The following PICALM variants were observed in gnomAD, a reference collection of about 807,000 sequenced individuals.
PICALM encodes the protein phosphatidylinositol binding clathrin assembly protein, also known as phosphatidylinositol-binding clathrin assembly protein.
Under a neutral mutation model 80.5 loss-of-function variants are expected in PICALM, and 40 were observed. The ratio of observed to expected loss-of-function variants is 0.50; its 90% CI spans 0.39 to 0.65. The LOEUF is 0.65. Among genes scored for constraint, PICALM ranks in the 30% least tolerant of loss-of-function variants. The pLI, the probability that PICALM is intolerant of heterozygous loss-of-function variation, is 0.00. For missense variants in PICALM, 676 were observed against 778.9 expected, an observed-to-expected ratio of 0.87 and a Z score of 1.57; for synonymous variants, 288 against 260.3, an observed-to-expected ratio of 1.11 and a Z score of -1.02.
intron 5 of PICALM, among the ~76,000 whole-genome samples, chr11:86,013,332 A>T (rs1358091225): frequency 6.6e-6 from 1 of 152,166 alleles, no homozygotes; most frequent in Non-Finnish European, 1.5e-5. Flanking sequence ...CAAAAAAAAG[A>T]TGAAAAAGCA....
intron 4 of PICALM, among the ~76,000 whole-genome samples, chr11:86,016,353 C>G (rs547284816): frequency 2.6e-5 from 4 of 152,292 alleles, no homozygotes; most frequent in Non-Finnish European, 4.4e-5. Context: ...TATTCTGTGA[C>G]AATTACCTTT....
intron 1 of PICALM, among the ~76,000 whole-genome samples, chr11:86,054,544 T>C (rs2096241624): frequency 6.6e-6 from 1 of 152,166 alleles, no homozygotes; most frequent in Non-Finnish European, 1.5e-5. Flanking sequence ...AGCGCTTTTT[T>C]GCCCCATGTC....
At chr11:86,014,739 T>C in intron 5 of PICALM, 131 bp downstream of exon 5, 1 of 485,758 alleles carries the variant, frequency 2.1e-6, no homozygotes, top group Non-Finnish European at 3.6e-6. Flanking sequence ...GACTATTTTA[T>C]AAAAAATCCT....
chr11:85,996,052 C>T (rs1414717899), intron 12 of PICALM, among the ~76,000 whole-genome samples: 1 of 151,966 alleles, frequency 6.6e-6, no homozygotes, highest in African/African-American at 2.4e-5. Context: ...AACTACTTGT[C>T]GGAACAAAAT....
intron 1 of PICALM, among the ~76,000 whole-genome samples, chr11:86,051,905 G>A (rs1311760580): frequency 1.3e-5 from 2 of 152,136 alleles, no homozygotes; most frequent in Non-Finnish European, 2.9e-5. Context: ...TAAGTATGTG[G>A]AAAATAAAGC....
chr11:85,969,579 C>A, intron 19 of PICALM: 1 of 296,332 alleles, frequency 3.4e-6, no homozygotes, highest in Non-Finnish European at 6.9e-6. Flanking sequence ...CTTTTGGTTT[C>A]GGCTAGCATT....
intron 1 of PICALM, among the ~76,000 whole-genome samples, chr11:86,061,841 A>C (rs1184059565): frequency 1.3e-5 from 2 of 152,248 alleles, no homozygotes; most frequent in Non-Finnish European, 2.9e-5. Flanking sequence ...ACGATTGCCA[A>C]AACTAGGGAG....
At chr11:85,986,174 T>C (rs1157212509) in intron 13 of PICALM, among the ~76,000 whole-genome samples, 2 of 152,126 alleles carry the variant, frequency 1.3e-5, no homozygotes, top group Non-Finnish European at 2.9e-5. Context: ...GCTAATCGGC[T>C]ATTAATATTT....
intron 19 of PICALM, among the ~76,000 whole-genome samples, chr11:85,966,215 T>TC (rs34969258): frequency 0.013 from 1,880 of 149,240 alleles, 18 homozygotes; most frequent in African/African-American, 0.025. Flanking sequence ...AAACTGTTTT[T>TC]CCCCCCCCAA....
chr11:85,998,113 T>C (rs1030599525), intron 11 of PICALM, among the ~76,000 whole-genome samples: 2 of 147,922 alleles, frequency 1.4e-5, no homozygotes, highest in African/African-American at 5.0e-5. Context: ...AAGACTTCTA[T>C]GTAATTTTTT....
intron 1 of PICALM, among the ~76,000 whole-genome samples, chr11:86,062,720 T>C (rs1354909917): frequency 6.6e-6 from 1 of 152,134 alleles, no homozygotes; most frequent in Non-Finnish European, 1.5e-5. Flanking sequence ...AAGGCTTAGG[T>C]TCATCAAGAT....
chr11:86,019,705 C>A (rs902720438), intron 4 of PICALM, among the ~76,000 whole-genome samples: 2 of 152,160 alleles, frequency 1.3e-5, no homozygotes, highest in African/African-American at 2.4e-5. Flanking sequence ...TAGGTATATT[C>A]CAAAATAATC....
At chr11:86,018,176 C>A (rs1328131353) in intron 4 of PICALM, among the ~76,000 whole-genome samples, 1 of 152,026 alleles carries the variant, frequency 6.6e-6, no homozygotes, top group East Asian at 1.9e-4. Flanking sequence ...CTATTAAACA[C>A]AATGGAAAAG....
chr11:86,021,241 C>T (rs1236678044), intron 4 of PICALM, among the ~76,000 whole-genome samples: 1 of 152,058 alleles, frequency 6.6e-6, no homozygotes, highest in Admixed American at 6.6e-5. Context: ...TTCCCAGCTA[C>T]TCAGCAGGCT....
At position 85,974,734 on chromosome 11, in the gene PICALM, G is replaced by A; in HGVS notation, c.1918C>T (p.Pro640Ser). The A allele has an allele frequency of 6.2e-7, 1 of 1,611,972 alleles. No homozygotes were observed. ...YSQPVMRPPN[P>S]FGPVSGAQIQ... ...TGTGCTCCTGATACAGGGCCAAAGGGGTTTGGAGGTCTCATGACAGGCTGG... is the reference window on the plus strand; with the variant it reads ...TGTGCTCCTGATACAGGGCCAAAGGAGTTTGGAGGTCTCATGACAGGCTGG... Residue 640 changes from proline to serine, a missense_variant, in exon 19 of 20, where the codon CCC (proline) becomes TCC (serine). Pro to Ser is a moderately conservative substitution (Grantham distance 74). Coordinates refer to ENST00000393346, the MANE Select transcript of PICALM (RefSeq NM_007166.4).
intron 19 of PICALM, among the ~76,000 whole-genome samples, chr11:85,961,810 T>C (rs1009170759): frequency 9.9e-5 from 15 of 152,176 alleles, no homozygotes; most frequent in African/African-American, 3.1e-4. Context: ...TCAAATCCTA[T>C]AGAGGATTTC....
chr11:86,003,346 G>A lies in PICALM; in HGVS notation c.893+20C>T. The A allele has an allele frequency of 6.9e-7, 1 of 1,456,760 alleles. No individual in the cohort carries two copies. The highest frequency in any genetic ancestry group is 1.4e-5 in the African/African-American group (1 of 71,960). 90.2% of individuals were successfully genotyped at this position (1,456,760 alleles called of 1,614,324 possible). A position where few individuals can be genotyped will look rare whatever the true frequency, so the allele number is the denominator to read the frequency against. ...TCAGAAAAATCACTCTGGCTTTTTG[G>A]CCTACAAAGAATGATATACCTGCTT... is the stretch of plus-strand genomic sequence containing the variant. On this transcript the variant is annotated intron_variant, in intron 9 of 19. Transcript: ENST00000393346.
At chr11:86,027,303 A>G (rs2095663986) in intron 2 of PICALM, among the ~76,000 whole-genome samples, 1 of 152,190 alleles carries the variant, frequency 6.6e-6, no homozygotes. Context: ...CATCTTCTCA[A>G]TATTGCCAAA....
chr11:85,972,146 A>G (rs1406479001), intron 19 of PICALM, among the ~76,000 whole-genome samples: 3 of 152,216 alleles, frequency 2.0e-5, no homozygotes, highest in Non-Finnish European at 4.4e-5. Context: ...GGTTTTTAAA[A>G]AGCAAAACTC....
Sources: allele counts gnomAD v4.1 joint callset (sites outside exome capture counted in the v4.1 genomes callset), GRCh38; gene constraint gnomAD v4.1.1; transcripts MANE v1.5; gene names NCBI Gene and HGNC (gene_info 2026-07-23, HGNC 2026-07-21).